The following TTK variants were observed in gnomAD, a reference collection of about 807,000 sequenced individuals.
TTK encodes the protein TTK protein kinase.
Under a neutral mutation model 117.3 loss-of-function variants are expected in TTK, and 59 were observed. That is an observed-to-expected ratio of 0.50 (90% CI 0.41 to 0.62). The LOEUF is 0.62. Ranked by LOEUF, TTK falls within the 20% of genes least tolerant of loss-of-function variation. The pLI is 0.00. For missense variants in TTK, 921 were observed against 989.4 expected (o/e 0.93, Z 0.93); for synonymous variants, 302 against 325.0 (o/e 0.93, Z 0.76).
chr6:80,014,213 T>C lies in TTK; in HGVS notation c.985-250T>C, dbSNP rs149251796. On this transcript the variant is annotated intron_variant, in intron 9 of 21. Coordinates refer to ENST00000369798, the MANE Select transcript of TTK (RefSeq NM_003318.5). ...ACCCTTTCCATCTTTAAGTGAAATA[T>C]ATTTTAGCAATTGATTAATACATCC... is the stretch of plus-strand genomic sequence containing the variant. 4.7e-3 allele frequency among the ~76,000 whole-genome samples: 713 copies of C among 152,284 alleles called. 5 individuals are homozygous for C. Among genetic ancestry groups the C allele is most frequent in the Middle Eastern group, 0.01 (3 of 294 alleles).
intron 4 of TTK, among the ~76,000 whole-genome samples, chr6:80,010,077 C>A (rs1047595820): frequency 6.6e-6 from 1 of 151,944 alleles, no homozygotes; most frequent in Non-Finnish European, 1.5e-5. Context: ...CGCTAAGTAC[C>A]AAGTGCATAG....
intron 12 of TTK, among the ~76,000 whole-genome samples, chr6:80,027,644 A>G (rs960338863): frequency 1.3e-5 from 2 of 152,196 alleles, no homozygotes; most frequent in African/African-American, 4.8e-5. Flanking sequence ...TTTAAATGCC[A>G]TCTTTTCAAA....
In TTK at chr6:80,013,373, T is replaced by G. The variant is rs752893981; in HGVS notation, c.984+7T>G. ...TGAATTAAGAAATTTAAAGGTATTT[T>G]AATTCTATATCATTATATAAAGCAA... On this transcript the variant is annotated splice_region_variant and intron_variant, in intron 9 of 21. Transcript: ENST00000369798. The G allele has an allele frequency of 6.3e-7, 1 of 1,582,026 alleles. No homozygotes were observed. Among genetic ancestry groups the G allele is most frequent in the South Asian group, 1.2e-5 (1 of 86,190 alleles).
At chr6:80,007,276 A>AT in intron 2 of TTK, among the ~76,000 whole-genome samples, 2 of 152,194 alleles carry the variant, frequency 1.3e-5, no homozygotes, top group East Asian at 1.9e-4. Flanking sequence ...TCATTTGTTT[A>AT]TTTTTTGTAA....
At chr6:80,014,341 A>T in intron 9 of TTK, 122 bp from the exon 10 acceptor site, 1 of 789,650 alleles carries the variant, frequency 1.3e-6, no homozygotes, top group Non-Finnish European at 1.8e-6. Flanking sequence ...GTCTACATAT[A>T]ATTATAATAG....
At chr6:80,030,614 A>G (rs1582108090) in intron 13 of TTK, among the ~76,000 whole-genome samples, 1 of 151,970 alleles carries the variant, frequency 6.6e-6, no homozygotes, top group Non-Finnish European at 1.5e-5. Context: ...TGGGAGGGAG[A>G]GAGAGAGTTG....
intron 5 of TTK, among the ~76,000 whole-genome samples, 162 bp downstream of exon 5, chr6:80,011,119 C>T (rs1767135442): frequency 6.6e-6 from 1 of 151,584 alleles, no homozygotes; most frequent in Admixed American, 6.6e-5. Flanking sequence ...CTCTACAACC[C>T]CATGCAAATT....
At chr6:80,007,731 C>G in intron 2 of TTK, 78 bp from the exon 3 acceptor site, 1 of 1,197,574 alleles carries the variant, frequency 8.4e-7, no homozygotes, top group South Asian at 1.5e-5. Flanking sequence ...AAATGTTTGA[C>G]TATATTTTGA....
At chr6:80,022,982 T>A (rs1189115369) in intron 11 of TTK, among the ~76,000 whole-genome samples, 1 of 152,216 alleles carries the variant, frequency 6.6e-6, no homozygotes, top group African/African-American at 2.4e-5. Flanking sequence ...TAGAAAAATA[T>A]AGCCTAGACA....
rs142654248 is a variant in TTK, at chr6:80,041,551, T to C, written c.2491-568T>C. Among the ~76,000 whole-genome samples the C allele has an allele frequency of 6.7e-4, 102 of 151,798 alleles. 1 individual carries two copies. In the East Asian group the frequency reaches 0.018, roughly 26 times the overall value. The stretch of plus-strand genomic sequence containing the variant: ...GTTTTAAGTTTATACTAATATATTA[T>C]TCAAAGCCTCTTATAGCTATAGTTG... On this transcript the variant is annotated intron_variant, in intron 21 of 21. Transcript: ENST00000369798.
rs1768016790 is a variant in TTK at position 80,040,411 on chromosome 6, C to T, written c.2392+131C>T. ...CCTGCCTTTTTCCTTAAGGAAGTTCCATTATTATAAATAGTAAAGTAAATA... is the reference window on the plus strand; with the variant it reads ...CCTGCCTTTTTCCTTAAGGAAGTTCTATTATTATAAATAGTAAAGTAAATA... On this transcript the variant is annotated intron_variant, in intron 20 of 21. Coordinates refer to ENST00000369798, the MANE Select transcript of TTK (RefSeq NM_003318.5). The T allele has an allele frequency of 1.7e-5, 16 of 924,422 alleles. No homozygotes were observed. The South Asian group carries it at 3.3e-4, about 19-fold the overall frequency. The allele number at this position is 924,422 out of a possible 1,614,324, so 57.3% of individuals were successfully genotyped here. A position where few individuals can be genotyped will look rare whatever the true frequency, so the allele number is the denominator to read the frequency against.
chr6:80,040,558 C>T, intron 20 of TTK, 48 bp from the exon 21 acceptor site: 1 of 1,520,672 alleles, frequency 6.6e-7, no homozygotes, highest in Non-Finnish European at 9.0e-7. Flanking sequence ...TTACAATGGA[C>T]TTATATTTTT....
chr6:80,035,998 C>G (rs1229536780), intron 16 of TTK, among the ~76,000 whole-genome samples: 4 of 151,986 alleles, frequency 2.6e-5, no homozygotes, highest in Non-Finnish European at 5.9e-5. Context: ...AAAGATAATT[C>G]ACCAGTGATC....
At chr6:80,036,693 C>A in intron 17 of TTK, 94 bp downstream of exon 17, 2 of 1,292,072 alleles carry the variant, frequency 1.5e-6, no homozygotes, top group South Asian at 1.8e-5. Flanking sequence ...TTTTTAATCA[C>A]CTCATTCTTC....
rs1766980527 is a variant in TTK at position 80,005,932 on chromosome 6, A to G, written c.89A>G (p.Glu30Gly). ...VRDIKNKFKNEDLTDELSLNK... is the reference protein window; with the variant it reads ...VRDIKNKFKNGDLTDELSLNK... ...GACATTAAAAATAAGTTTAAAAATG[A>G]AGACCTTACTGATGAACTAAGCTTG... Residue 30 changes from glutamate to glycine, a missense_variant, in exon 2 of 22, where the codon GAA (glutamate) becomes GGA (glycine). Transcript: ENST00000369798. The G allele has an allele frequency of 6.2e-7, 1 of 1,612,618 alleles. No homozygotes were observed.
intron 10 of TTK, among the ~76,000 whole-genome samples, chr6:80,018,512 T>A (rs1188854698): frequency 6.7e-6 from 1 of 150,068 alleles, no homozygotes; most frequent in Non-Finnish European, 1.5e-5. Flanking sequence ...TAATCCCAGC[T>A]AATCGGGAAG....
Position 80,011,509 on chromosome 6 carries a change from A to T in TTK, c.689A>T (p.Asp230Val). The change falls in exon 6 of 22, where the codon GAT becomes GTT. Residue 230 changes from aspartate (D) to valine (V), a missense_variant. Asp to Val is a radical substitution (Grantham distance 152, BLOSUM62 -3). Transcript: ENST00000369798. ...GHLQNRNNSC[D>V]SRGQTTKARF... ...TTACAGAATAGGAACAACAGTTGTGATTCCAGAGGACAGACTACTAAAGCC... is the reference window on the plus strand; with the variant it reads ...TTACAGAATAGGAACAACAGTTGTGTTTCCAGAGGACAGACTACTAAAGCC... 1 of 1,609,198 alleles carries T rather than the reference A, an allele frequency of 6.2e-7. No individual in the cohort carries two copies. Among genetic ancestry groups the T allele is most frequent in the Non-Finnish European group, 8.5e-7 (1 of 1,178,182 alleles).
At chr6:80,022,114 T>C (rs1197501734) in intron 10 of TTK, among the ~76,000 whole-genome samples, 1 of 152,200 alleles carries the variant, frequency 6.6e-6, no homozygotes, top group Non-Finnish European at 1.5e-5. Flanking sequence ...TTAGTAACAA[T>C]GTAGGAAGAT....
chr6:80,034,896 T>C (rs562835965), intron 14 of TTK, 89 bp from the exon 15 acceptor site: 1 of 1,161,362 alleles, frequency 8.6e-7, no homozygotes, highest in African/African-American at 1.6e-5. Context: ...TTTAGAATTT[T>C]CTCAACCTAA....
Sources: allele counts gnomAD v4.1 joint callset (sites outside exome capture counted in the v4.1 genomes callset), GRCh38; gene constraint gnomAD v4.1.1; transcripts MANE v1.5; gene names NCBI Gene and HGNC (gene_info 2026-07-23, HGNC 2026-07-21).